Variants in TLK1 observed in about 807,000 individuals in gnomAD.
The protein encoded by TLK1 is serine/threonine-protein kinase tousled-like 1.
In TLK1, 24 loss-of-function variants were observed where a neutral mutation model predicts 105.3. The ratio of observed to expected loss-of-function variants is 0.23; its 90% CI spans 0.17 to 0.32. TLK1 has a LOEUF of 0.32. Ranked by LOEUF, TLK1 falls within the 10% of genes least tolerant of loss-of-function variation. The pLI is 1.00. For missense variants in TLK1, 558 were observed against 910.5 expected (o/e 0.61, Z 4.98); for synonymous variants, 321 against 310.4 (o/e 1.03, Z -0.36).
chr2:171,222,822 T>TTTATTTAC (rs1219280312), intron 1 of TLK1, among the ~76,000 whole-genome samples: 4 of 152,138 alleles, frequency 2.6e-5, no homozygotes, highest in African/African-American at 9.6e-5. Context: ...TATTTATTTA[T>TTTATTTAC]TTATTTATTT....
At chr2:171,041,005 A>G (rs543781804) in intron 11 of TLK1, among the ~76,000 whole-genome samples, 1 of 152,348 alleles carries the variant, frequency 6.6e-6, no homozygotes, top group Non-Finnish European at 1.5e-5. Context: ...AACATGCAAC[A>G]TGTAAGTCTA....
At chr2:171,137,420 A>T (rs971301831) in intron 1 of TLK1, among the ~76,000 whole-genome samples, 6 of 152,214 alleles carry the variant, frequency 3.9e-5, no homozygotes, top group South Asian at 2.1e-4. Context: ...GTGATTTTTT[A>T]AAAAATAAAA....
At chr2:171,019,353 A>G (rs192252214) in intron 12 of TLK1, among the ~76,000 whole-genome samples, 242 of 152,334 alleles carry the variant, frequency 1.6e-3, no homozygotes, top group African/African-American at 5.7e-3. Context: ...ATGTTTTTTA[A>G]AAAGAAAAGA....
Position 171,160,448 on chromosome 2 carries a change from C to G in TLK1, c.-20G>C, listed in dbSNP as rs1416477893. The G allele has an allele frequency of 6.3e-7, 1 of 1,587,508 alleles. No homozygotes were observed. Among genetic ancestry groups the G allele is most frequent in the Non-Finnish European group, 8.6e-7 (1 of 1,169,308 alleles). On this transcript the variant is annotated 5_prime_UTR_variant, in exon 1 of 21. Transcript: ENST00000431350. The surrounding 1 kb of genome is among the most constrained non-coding windows in gnomAD (Gnocchi z 4.4). ...ACTCATCAAGCTACTTTCTGGGAAC[C>G]CGACTCCCCCCCTGCGACGGCAGCG...
At chr2:171,093,799 T>G (rs1689341528) in intron 2 of TLK1, among the ~76,000 whole-genome samples, 2 of 152,250 alleles carry the variant, frequency 1.3e-5, no homozygotes, top group South Asian at 4.2e-4. Flanking sequence ...TAGGGCTACA[T>G]AAAGGTAGAT....
intron 1 of TLK1, among the ~76,000 whole-genome samples, chr2:171,203,461 C>A (rs1693440737): frequency 2.0e-5 from 3 of 152,142 alleles, no homozygotes; most frequent in Admixed American, 2.0e-4. Flanking sequence ...CTTTTTGTGA[C>A]TGGCTTATGT....
intron 3 of TLK1, chr2:171,081,717 G>C: frequency 2.3e-6 from 3 of 1,304,178 alleles, no homozygotes; most frequent in Non-Finnish European, 3.0e-6. Flanking sequence ...TTCTGTGGAA[G>C]GGAAAGCCTG....
chr2:171,195,305 C>T (rs1461676928), intron 1 of TLK1, among the ~76,000 whole-genome samples: 1 of 151,826 alleles, frequency 6.6e-6, no homozygotes, highest in South Asian at 2.1e-4. Flanking sequence ...AGATTGAGAC[C>T]ATCCTGGCTA....
At chr2:171,000,230 T>C (rs2105354311) in intron 18 of TLK1, among the ~76,000 whole-genome samples, 1 of 151,878 alleles carries the variant, frequency 6.6e-6, no homozygotes, top group East Asian at 1.9e-4. Context: ...ACAAAAAAAT[T>C]AGCCAGGCAT....
chr2:171,115,679 G>A (rs185866931), intron 2 of TLK1, among the ~76,000 whole-genome samples: 3 of 152,178 alleles, frequency 2.0e-5, no homozygotes, highest in Non-Finnish European at 4.4e-5. Flanking sequence ...GAAGCTGATG[G>A]TGGTGATATT....
intron 1 of TLK1, among the ~76,000 whole-genome samples, chr2:171,187,806 C>A (rs79567955): frequency 0.086 from 13,082 of 152,220 alleles, 1,155 homozygotes; most frequent in East Asian, 0.29. Context: ...CTAGAACTCT[C>A]TTTGTTATAT....
At chr2:171,108,079 ACAAC>A (rs1558946164) in intron 2 of TLK1, among the ~76,000 whole-genome samples, 17 of 145,976 alleles carry the variant, frequency 1.2e-4, no homozygotes, top group Non-Finnish European at 2.1e-4. Context: ...AACAACAACA[ACAAC>A]AACAAAAAAA....
chr2:171,181,885 G>A (rs1315014351), intron 1 of TLK1, among the ~76,000 whole-genome samples: 1 of 152,124 alleles, frequency 6.6e-6, no homozygotes, highest in Non-Finnish European at 1.5e-5. Context: ...TAATCTGTCA[G>A]CTGCCTCTGG....
intron 1 of TLK1, among the ~76,000 whole-genome samples, chr2:171,203,605 G>A (rs1043352847): frequency 6.6e-6 from 1 of 152,210 alleles, no homozygotes; most frequent in African/African-American, 2.4e-5. Flanking sequence ...ATGGGCACTT[G>A]GGTGGCTAAC....
chr2:171,193,367 T>G (rs930957292), intron 1 of TLK1, among the ~76,000 whole-genome samples: 13 of 152,002 alleles, frequency 8.6e-5, no homozygotes, highest in African/African-American at 2.9e-4. Context: ...TGTTAATTTT[T>G]TTTGTTTGTT....
intron 3 of TLK1, among the ~76,000 whole-genome samples, chr2:171,078,978 G>A (rs564718612): frequency 6.6e-6 from 1 of 152,090 alleles, no homozygotes; most frequent in African/African-American, 2.4e-5. Flanking sequence ...TGAAATACAA[G>A]GGTCTTCAAA....
At chr2:171,162,650 G>GT (rs1420444421), upstream of TLK1, among the ~76,000 whole-genome samples, 1 of 152,162 alleles carries the variant, frequency 6.6e-6, no homozygotes, top group Non-Finnish European at 1.5e-5. Flanking sequence ...ACCCTCCAAA[G>GT]TTTCCTCTTT....
rs1239984124 is a variant in TLK1 at position 170,993,903 on chromosome 2, G to T, written c.2178C>A (p.His726Gln). Residue 726 changes from histidine (H) to glutamine (Q), a missense_variant, in exon 21 of 21, where the codon CAC (histidine) becomes CAA (glutamine). Physicochemically the swap from His to Gln is conservative, Grantham distance 24 (BLOSUM62 0). Coordinates refer to ENST00000431350, the MANE Select transcript of TLK1 (RefSeq NM_012290.5). ...AYRKEDRFDV[H>Q]QLANDPYLLP... ...GAAGGTATGGGTCATTTGCCAGCTG[G>T]TGCACATCAAATCGATCTTCTTTTC... The T allele has an allele frequency of 6.2e-7, 1 of 1,611,796 alleles. No homozygotes were observed. Among genetic ancestry groups the T allele is most frequent in the Non-Finnish European group, 8.5e-7 (1 of 1,179,138 alleles).
At chr2:171,031,307 T>C (rs1686034613) in intron 11 of TLK1, among the ~76,000 whole-genome samples, 1 of 152,198 alleles carries the variant, frequency 6.6e-6, no homozygotes. Flanking sequence ...ATCTATGTAT[T>C]TAGATAAAAG....
Sources: gnomAD v4.1 joint callset for allele counts (sites outside exome capture counted in the v4.1 genomes callset) on GRCh38, gnomAD v4.1.1 for gene constraint, Gnocchi (gnomAD v3.1) non-coding constraint, MANE v1.5 for transcripts, NCBI Gene and HGNC (gene_info 2026-07-23, HGNC 2026-07-21) for gene names.